TNS3: variants seen among roughly 807,000 people sequenced by gnomAD.
TNS3 encodes tensin 3, also known as tensin-3.
A neutral mutation model predicts 140.9 loss-of-function variants in TNS3; 45 were observed. The ratio of observed to expected loss-of-function variants is 0.32; its 90% CI spans 0.25 to 0.41. The LOEUF is 0.41. Ranked by LOEUF, TNS3 falls within the 10% of genes least tolerant of loss-of-function variation. The pLI is 1.00. For synonymous variants in TNS3, 815 were observed against 788.4 expected, an observed-to-expected ratio of 1.03 and a Z score of -0.56; for missense variants, 1,716 against 1,906.7, an observed-to-expected ratio of 0.90 and a Z score of 1.86.
At chr7:47,468,996 C>T (rs1447106562) in intron 4 of TNS3, among the ~76,000 whole-genome samples, 1 of 152,136 alleles carries the variant, frequency 6.6e-6, no homozygotes, top group African/African-American at 2.4e-5. Context: ...GGAAAGGACA[C>T]CTTATTCAAT....
At chr7:47,531,075 A>AAAG (rs1271051695) in intron 1 of TNS3, among the ~76,000 whole-genome samples, 1 of 151,872 alleles carries the variant, frequency 6.6e-6, no homozygotes, top group East Asian at 1.9e-4. Context: ...AGATGGACAC[A>AAAG]AAGAAGGGAA....
rs574848319 is a variant in TNS3, at chr7:47,329,613, T to C, written c.2650+15142A>G. Among the ~76,000 whole-genome samples the C allele has an allele frequency of 1.3e-3, 194 of 152,318 alleles. 1 individual carries two copies. The highest frequency in any genetic ancestry group is 4.4e-3 in the African/African-American group (182 of 41,570). Reference sequence around the variant, plus strand: ...TAGGCATTTCCTCCCTGGTTGTTTATGTGTTGCAGAGCAGCAGCTCCTGCA... The same window carrying C: ...TAGGCATTTCCTCCCTGGTTGTTTACGTGTTGCAGAGCAGCAGCTCCTGCA... On this transcript the variant is annotated intron_variant, in intron 20 of 30. Transcript: ENST00000311160.
intron 1 of TNS3, among the ~76,000 whole-genome samples, chr7:47,552,261 T>G (rs113255440): frequency 1.3e-5 from 2 of 152,270 alleles, no homozygotes; most frequent in East Asian, 3.9e-4. Flanking sequence ...GCTTGGCACA[T>G]GAGTGAAGGC....
At chr7:47,305,761 A>G (rs1220224263) in intron 20 of TNS3, among the ~76,000 whole-genome samples, 1 of 152,234 alleles carries the variant, frequency 6.6e-6, no homozygotes, top group African/African-American at 2.4e-5. Context: ...TGGATATTTA[A>G]AACATCTTAC....
At chr7:47,471,782 T>C (rs1411059938) in intron 4 of TNS3, among the ~76,000 whole-genome samples, 1 of 152,168 alleles carries the variant, frequency 6.6e-6, no homozygotes, top group Non-Finnish European at 1.5e-5. Flanking sequence ...TCGCGGCCCA[T>C]GTCTTCACCC....
chr7:47,447,853 G>C (rs1795826915), intron 4 of TNS3, among the ~76,000 whole-genome samples: 1 of 152,212 alleles, frequency 6.6e-6, no homozygotes. Flanking sequence ...ATCTCTATGA[G>C]AACCATGCTT....
chr7:47,545,182 G>A (rs967547884), intron 1 of TNS3, among the ~76,000 whole-genome samples: 9 of 132,848 alleles, frequency 6.8e-5, no homozygotes, highest in East Asian at 4.4e-4. Flanking sequence ...TCGCTCTGTC[G>A]CCTGGAGTGC....
At chr7:47,328,890 C>T (rs1370927839) in intron 20 of TNS3, among the ~76,000 whole-genome samples, 1 of 152,224 alleles carries the variant, frequency 6.6e-6, no homozygotes, top group Non-Finnish European at 1.5e-5. Context: ...CTGGCTGGCA[C>T]CTACTGTAGG....
At position 47,521,187 on chromosome 7, in the gene TNS3, C is replaced by T. The variant is rs553056509; in HGVS notation, c.-153+7849G>A. 3.2e-4 allele frequency among the ~76,000 whole-genome samples: 48 copies of T among 152,296 alleles called. 1 individual carries two copies. The highest frequency in any genetic ancestry group is 1.1e-3 in the African/African-American group (46 of 41,566). ...CTCCATCGTCCTGACAATGCCCACACTCCCTGCCCCACCCACCTCCCAGAA... is the reference window on the plus strand; with the variant it reads ...CTCCATCGTCCTGACAATGCCCACATTCCCTGCCCCACCCACCTCCCAGAA... On this transcript the variant is annotated intron_variant, in intron 2 of 30. Transcript: ENST00000311160.
Position 47,410,630 on chromosome 7 carries a change from T to C in TNS3, c.723+1097A>G, listed in dbSNP as rs116432474. On this transcript the variant is annotated intron_variant, in intron 13 of 30. Coordinates refer to ENST00000311160, the MANE Select transcript of TNS3 (RefSeq NM_022748.12). ...GACCAGCAAGGTAGGGAGTTCACCA[T>C]CCACTAAGCTAAGATTTCAAAATCT... Among the ~76,000 whole-genome samples, 638 of 152,296 alleles carry C rather than the reference T, an allele frequency of 4.2e-3. 3 individuals are homozygous for C. The highest frequency in any genetic ancestry group is 0.014 in the African/African-American group (599 of 41,560).
chr7:47,322,213 CAA>C (rs759875153), intron 20 of TNS3, among the ~76,000 whole-genome samples: 45 of 49,918 alleles, frequency 9.0e-4, no homozygotes, highest in Middle Eastern at 0.022. Flanking sequence ...GTAGAACGGG[CAA>C]AAAAAAAAAA....
chr7:47,283,697 T>G lies in TNS3; in HGVS notation c.4097A>C (p.Lys1366Thr). 6.4e-7 allele frequency: 1 copy of G among 1,566,456 alleles called. No individual in the cohort carries two copies. The highest frequency in any genetic ancestry group is 8.6e-7 in the Non-Finnish European group (1 of 1,157,730). ...CTCCTGCCTCCCTCTAGGCACTCAC[T>G]TCCTCTGATTGTCTGTCAGGGTGAT... ...QGITLTDNQR[K>T]LFFRRHYPVN... The change falls in exon 28 of 31, where the codon AAG (lysine) becomes ACG (threonine). Residue 1366 changes from lysine to threonine, a missense_variant and splice_region_variant. Lys to Thr is a moderately conservative substitution (Grantham distance 78). This residue lies in a region of TNS3 where 216 missense variants were observed against 295.7 expected (regional missense o/e 0.73). Transcript: ENST00000311160.
intron 1 of TNS3, among the ~76,000 whole-genome samples, chr7:47,539,816 T>C (rs764087594): frequency 6.6e-6 from 1 of 152,200 alleles, no homozygotes; most frequent in Non-Finnish European, 1.5e-5. Context: ...CAATAAACAC[T>C]GGTGCAGGAA....
At chr7:47,389,301 G>T (rs539163457) in intron 16 of TNS3, among the ~76,000 whole-genome samples, 1 of 144,830 alleles carries the variant, frequency 6.9e-6, no homozygotes, top group Non-Finnish European at 1.6e-5. Flanking sequence ...GTGGGATATC[G>T]GGGGTACCCT....
chr7:47,328,656 T>C (rs1468237450), intron 20 of TNS3, among the ~76,000 whole-genome samples: 1 of 152,232 alleles, frequency 6.6e-6, no homozygotes, highest in African/African-American at 2.4e-5. Flanking sequence ...CCTACACCCA[T>C]GTCCCTTTCC....
chr7:47,424,892 G>A (rs971882851), intron 9 of TNS3, among the ~76,000 whole-genome samples: 9 of 152,232 alleles, frequency 5.9e-5, no homozygotes, highest in African/African-American at 2.2e-4. Flanking sequence ...CCCACAGGAA[G>A]TGTCTGACAG....
intron 16 of TNS3, among the ~76,000 whole-genome samples, chr7:47,370,078 A>G (rs962042166): frequency 2.0e-5 from 3 of 152,176 alleles, no homozygotes; most frequent in African/African-American, 2.4e-5. Context: ...GCAAACTCCT[A>G]CTAAATTGAA....
At chr7:47,436,920 G>C (rs1795211496) in intron 7 of TNS3, among the ~76,000 whole-genome samples, 1 of 152,108 alleles carries the variant, frequency 6.6e-6, no homozygotes, top group Non-Finnish European at 1.5e-5. Context: ...ACGATGCCGA[G>C]AAACACACAT....
intron 20 of TNS3, among the ~76,000 whole-genome samples, chr7:47,325,300 C>G (rs1787967017): frequency 6.6e-6 from 1 of 152,140 alleles, no homozygotes; most frequent in Non-Finnish European, 1.5e-5. Context: ...CAGCTGAGCC[C>G]TCATTCCTCT....
Sources: allele counts gnomAD v4.1 joint callset (sites outside exome capture counted in the v4.1 genomes callset), GRCh38; gene constraint gnomAD v4.1.1; regional missense constraint gnomAD v4.1.1; transcripts MANE v1.5; gene names NCBI Gene and HGNC (gene_info 2026-07-23, HGNC 2026-07-21).